Variants in TMCO5A observed in about 807,000 individuals in gnomAD.
TMCO5A encodes the protein transmembrane and coiled-coil domains 5A.
A neutral mutation model predicts 42.3 loss-of-function variants in TMCO5A; 34 were observed. The observed-to-expected ratio is 0.80, with a 90% CI of 0.61 to 1.07. The LOEUF (loss-of-function observed/expected upper bound fraction) is 1.07, where lower values mean the gene tolerates loss of function less well. Among genes scored for constraint, TMCO5A ranks in the 50% least tolerant of loss-of-function variants. TMCO5A has a pLI of 0.00. For missense variants in TMCO5A, 357 were observed against 327.9 expected, an observed-to-expected ratio of 1.09 and a Z score of -0.69; for synonymous variants, 131 against 115.6, an observed-to-expected ratio of 1.13 and a Z score of -0.86.
chr15:37,936,414 A>G lies in TMCO5A; in HGVS notation c.91A>G (p.Asn31Asp), dbSNP rs531089469. 4 of 1,613,198 alleles carry G rather than the reference A, an allele frequency of 2.5e-6. No homozygotes were observed. In the East Asian group the frequency reaches 8.9e-5, roughly 36 times the overall value. Residue 31 changes from asparagine to aspartate, a missense_variant, in exon 3 of 12, where the codon AAT becomes GAT. Asn to Asp is a conservative substitution (Grantham distance 23). Coordinates refer to ENST00000319669, the MANE Select transcript of TMCO5A (RefSeq NM_152453.4). Reference sequence around the variant, plus strand: ...GGATACGCAGAGAATAGATGAAGCAAATCAGAAACTTCTTCTCAAAATCCA... The same window carrying G: ...GGATACGCAGAGAATAGATGAAGCAGATCAGAAACTTCTTCTCAAAATCCA... ...ERDTQRIDEANQKLLLKIQER... is the reference protein window; with the variant it reads ...ERDTQRIDEADQKLLLKIQER...
the TMCO5A span, among the ~76,000 whole-genome samples, chr15:37,979,721 T>G: frequency 2.0e-5 from 3 of 152,024 alleles, no homozygotes; most frequent in Non-Finnish European, 4.4e-5. Flanking sequence ...CTCCCAAGCC[T>G]CAGGGCAGCA....
rs948996340 is a variant in TMCO5A, at chr15:37,936,950, G to A, written c.244G>A (p.Glu82Lys). The A allele has an allele frequency of 3.1e-6, 5 of 1,612,334 alleles. No homozygotes were observed. The highest frequency in any genetic ancestry group is 4.2e-6 in the Non-Finnish European group (5 of 1,178,954). Residue 82 changes from glutamate (E) to lysine (K), a missense_variant, in exon 4 of 12, where the codon GAG becomes AAG. By Grantham distance (56) the Glu-to-Lys change is moderately conservative. Transcript: ENST00000319669. ...MERERALQELEEETARLERKN... is the reference protein window; with the variant it reads ...MERERALQELKEETARLERKN... ...AAGGGAAAGAGCCTTGCAGGAGCTG[G>A]AGGAAGAAACAGCCAGACTTGTAAG...
intron 6 of TMCO5A, among the ~76,000 whole-genome samples, chr15:37,939,362 A>G (rs1205182505): frequency 1.3e-5 from 2 of 152,150 alleles, no homozygotes; most frequent in Non-Finnish European, 2.9e-5. Flanking sequence ...GTGCTAATTC[A>G]GGTAAGTTAT....
the TMCO5A span, among the ~76,000 whole-genome samples, chr15:38,026,522 G>C: frequency 6.6e-6 from 1 of 152,202 alleles, no homozygotes; most frequent in Non-Finnish European, 1.5e-5. Context: ...AGCAGAGCAT[G>C]AAAGTTTGGA....
chr15:37,962,889 T>C (rs1459306070), intron 11 of TMCO5A, among the ~76,000 whole-genome samples: 2 of 152,100 alleles, frequency 1.3e-5, no homozygotes, highest in East Asian at 3.8e-4. Context: ...TTGTAATATC[T>C]CCTGTTTCAT....
chr15:37,981,200 C>CAAAAAAAAAAAAAA, the TMCO5A span, among the ~76,000 whole-genome samples: 17 of 65,324 alleles, frequency 2.6e-4, no homozygotes, highest in African/African-American at 8.9e-4. Flanking sequence ...AGAAAGCCAG[C>CAAAAAAAAAAAAAA]AAAAAAAAAA....
rs757162428 is a variant in TMCO5A, at chr15:37,936,310, A to G, written c.-10-4A>G. 2 of 1,606,632 alleles carry G rather than the reference A, an allele frequency of 1.2e-6. No individual in the cohort carries two copies. Among genetic ancestry groups the G allele is most frequent in the Non-Finnish European group, 1.7e-6 (2 of 1,177,150 alleles). On this transcript the variant is annotated splice_polypyrimidine_tract_variant and splice_region_variant and intron_variant, in intron 2 of 11. Coordinates refer to ENST00000319669, the MANE Select transcript of TMCO5A (RefSeq NM_152453.4). The stretch of plus-strand genomic sequence containing the variant: ...CTTGTTCATTTTGGGGGCTGAGTCT[A>G]TAGGTCGGAGAAAATGGAAATCTCA...
chr15:37,982,733 TATAA>T, the TMCO5A span, among the ~76,000 whole-genome samples: 1 of 140,550 alleles, frequency 7.1e-6, no homozygotes, highest in African/African-American at 2.8e-5. Flanking sequence ...ATCTATAATA[TATAA>T]ATATATATAA....
At chr15:37,953,850 T>G (rs561076038), downstream of TMCO5A, among the ~76,000 whole-genome samples, 34 of 151,996 alleles carry the variant, frequency 2.2e-4, no homozygotes, top group African/African-American at 8.2e-4. Flanking sequence ...CAGAAAAATT[T>G]AACAAAGAGA....
intron 11 of TMCO5A, among the ~76,000 whole-genome samples, chr15:37,960,727 C>G (rs1175245372): frequency 6.6e-6 from 1 of 150,864 alleles, no homozygotes; most frequent in Admixed American, 6.6e-5. Flanking sequence ...GCCATTCTTG[C>G]AAGAGGAAGG....
the TMCO5A span, among the ~76,000 whole-genome samples, chr15:38,021,871 C>A: frequency 6.6e-6 from 1 of 150,610 alleles, no homozygotes; most frequent in Non-Finnish European, 1.5e-5. Flanking sequence ...GTGCAGCGGC[C>A]CGATCTCAGC....
intron 11 of TMCO5A, among the ~76,000 whole-genome samples, chr15:37,960,201 A>G (rs1052584434): frequency 6.6e-6 from 1 of 151,446 alleles, no homozygotes; most frequent in Non-Finnish European, 1.5e-5. Flanking sequence ...TCTTCCCCAC[A>G]AGTCCCCAAA....
At chr15:37,960,324 G>A (rs1460778577) in intron 11 of TMCO5A, among the ~76,000 whole-genome samples, 3 of 151,836 alleles carry the variant, frequency 2.0e-5, no homozygotes, top group Non-Finnish European at 4.4e-5. Flanking sequence ...TAGAATAATG[G>A]CCTCCAATCT....
At chr15:37,966,693 C>T (rs765234834) in exon 12 of TMCO5A, 21 of 702,676 alleles carry the variant, frequency 3.0e-5, no homozygotes, top group Middle Eastern at 2.3e-4. Context: ...AGATTGGCAA[C>T]CTTTGCAGAA....
the TMCO5A span, among the ~76,000 whole-genome samples, chr15:38,039,801 G>C: frequency 6.6e-6 from 1 of 152,320 alleles, no homozygotes; most frequent in Non-Finnish European, 1.5e-5. Flanking sequence ...CACAAACTTA[G>C]CTACACAAAC....
At chr15:38,019,394 T>C in the TMCO5A span, among the ~76,000 whole-genome samples, 1 of 152,134 alleles carries the variant, frequency 6.6e-6, no homozygotes, top group African/African-American at 2.4e-5. Context: ...ATAATACAAA[T>C]TCTGGTTAAT....
chr15:37,943,261 C>A lies in TMCO5A; in HGVS notation c.570-80C>A. 3.7e-6 allele frequency: 5 copies of A among 1,368,196 alleles called. No individual in the cohort carries two copies. In the South Asian group the frequency reaches 6.3e-5, roughly 17 times the overall value. The allele number at this position is 1,368,196 out of a possible 1,614,324, so 84.8% of individuals were successfully genotyped here. ...GACAGTACAGATTTAGAATATAAAG[C>A]TTTTTTAAAATAACCATAGTGTAGT... On this transcript the variant is annotated intron_variant, in intron 9 of 11. Transcript: ENST00000319669.
At chr15:37,991,727 G>T in the TMCO5A span, among the ~76,000 whole-genome samples, 1 of 151,770 alleles carries the variant, frequency 6.6e-6, no homozygotes, top group East Asian at 1.9e-4. Flanking sequence ...TGCAATCTTT[G>T]ACAAAGCTGA....
At chr15:37,975,715 T>G in the TMCO5A span, among the ~76,000 whole-genome samples, 1 of 151,110 alleles carries the variant, frequency 6.6e-6, no homozygotes, top group Non-Finnish European at 1.5e-5. Flanking sequence ...GCCTTTTAAT[T>G]GGGGCATTTA....
Sources: gnomAD v4.1 joint callset for allele counts (sites outside exome capture counted in the v4.1 genomes callset) on GRCh38, gnomAD v4.1.1 for gene constraint, MANE v1.5 for transcripts, NCBI Gene and HGNC (gene_info 2026-07-23, HGNC 2026-07-21) for gene names.